Variants in XIRP2 observed in about 807,000 individuals in gnomAD.
XIRP2 encodes the protein xin actin binding repeat containing 2.
A neutral mutation model predicts 277.0 loss-of-function variants in XIRP2; 236 were observed. The ratio of observed to expected loss-of-function variants is 0.85; its 90% confidence interval spans 0.77 to 0.95. XIRP2 has a LOEUF of 0.95. Among genes scored for constraint, XIRP2 ranks in the 40% least tolerant of loss-of-function variants. XIRP2 has a pLI of 0.00. For synonymous variants in XIRP2, 1,490 were observed against 1,416.5 expected (o/e 1.05, Z -1.17); for missense variants, 4,640 against 4,157.5 (o/e 1.12, Z -3.19).
At chr2:167,028,731 T>C (rs1688244304) in intron 2 of XIRP2, among the ~76,000 whole-genome samples, 1 of 151,218 alleles carries the variant, frequency 6.6e-6, no homozygotes, top group Non-Finnish European at 1.5e-5. Context: ...AAGGCACCAG[T>C]GACGAAATCA....
chr2:166,915,854 T>C (rs1204185102), intron 2 of XIRP2, among the ~76,000 whole-genome samples: 1 of 152,178 alleles, frequency 6.6e-6, no homozygotes, highest in Non-Finnish European at 1.5e-5. Flanking sequence ...TTTCTATCAT[T>C]TATTTAGGCC....
rs1692439665 is a variant in XIRP2, at chr2:167,163,824, TA to T, written c.562+27763del. 2.6e-5 allele frequency among the ~76,000 whole-genome samples: 4 copies of T among 152,362 alleles called. No homozygotes were observed. The South Asian group carries it at 8.3e-4, about 32-fold the overall frequency. ...CTATGATCTATGTTGAATTCATTTGTATTTATAGTGTAATGTAAAAGTCAAG... is the reference window on the plus strand; with the variant it reads ...CTATGATCTATGTTGAATTCATTTGTTTTATAGTGTAATGTAAAAGTCAAG... On this transcript the variant is annotated intron_variant, in intron 3 of 10. Transcript: ENST00000409195.
chr2:166,979,900 A>AT (rs34066434), intron 2 of XIRP2, among the ~76,000 whole-genome samples: 65,523 of 151,890 alleles, frequency 0.43, 15,771 homozygotes, highest in African/African-American at 0.62. Flanking sequence ...TGAATTAGGA[A>AT]TTTTTTCTTT....
Position 167,248,840 on chromosome 2 carries a change from G to A in XIRP2, c.7448G>A (p.Ser2483Asn). Residue 2483 changes from serine (S) to asparagine (N), a missense_variant, in exon 9 of 11, where the codon AGT (serine) becomes AAT (asparagine). Coordinates refer to ENST00000409195, the MANE Select transcript of XIRP2 (RefSeq NM_152381.6). ...EHTETKQNVISKSLDERKQLS... is the reference protein window; with the variant it reads ...EHTETKQNVINKSLDERKQLS... ...ACGGAGACAAAGCAGAACGTTATTA[G>A]TAAGAGTCTTGATGAAAGAAAACAA... The A allele has an allele frequency of 6.2e-7, 1 of 1,613,506 alleles. No homozygotes were observed. Among genetic ancestry groups the A allele is most frequent in the South Asian group, 1.1e-5 (1 of 91,052 alleles).
At chr2:167,187,348 T>A (rs1693186321) in intron 3 of XIRP2, 1 of 985,242 alleles carries the variant, frequency 1.0e-6, no homozygotes, top group Admixed American at 6.2e-5. Flanking sequence ...CTAAAATAAA[T>A]TCAGCCGTCC....
At chr2:166,933,951 G>A (rs1685419325) in intron 2 of XIRP2, among the ~76,000 whole-genome samples, 1 of 151,820 alleles carries the variant, frequency 6.6e-6, no homozygotes, top group African/African-American at 2.4e-5. Context: ...AAAAATGGAA[G>A]GACACACGTT....
chr2:167,132,983 A>G (rs1193127210), intron 2 of XIRP2, among the ~76,000 whole-genome samples: 1 of 152,228 alleles, frequency 6.6e-6, no homozygotes, highest in Non-Finnish European at 1.5e-5. Flanking sequence ...AAATAAAATT[A>G]TACCACCAGT....
intron 2 of XIRP2, among the ~76,000 whole-genome samples, chr2:167,097,311 T>C (rs1690351337): frequency 6.6e-6 from 1 of 152,236 alleles, no homozygotes; most frequent in Non-Finnish European, 1.5e-5. Context: ...GCCTTCTTTG[T>C]CTTTTTTGAT....
At chr2:167,161,715 C>T (rs1050288162) in intron 3 of XIRP2, among the ~76,000 whole-genome samples, 4 of 152,220 alleles carry the variant, frequency 2.6e-5, no homozygotes, top group Admixed American at 6.5e-5. Context: ...AGACCTCTGA[C>T]ATGTCTTGGA....
intron 2 of XIRP2, among the ~76,000 whole-genome samples, chr2:167,016,422 C>T (rs78801169): frequency 0.035 from 5,377 of 151,958 alleles, 118 homozygotes; most frequent in East Asian, 0.078. Context: ...CTTCAGTCTC[C>T]TGAACAAAGA....
chr2:167,059,073 T>C (rs1042016568), intron 2 of XIRP2, among the ~76,000 whole-genome samples: 4 of 151,522 alleles, frequency 2.6e-5, no homozygotes, highest in Non-Finnish European at 5.9e-5. Context: ...TTGGTAAGCA[T>C]TGGCTAGAGG....
rs563863262 is a variant in XIRP2, at chr2:166,962,847, G to A, written c.408+58957G>A. Among the ~76,000 whole-genome samples the A allele has an allele frequency of 2.9e-4, 44 of 151,798 alleles. No homozygotes were observed. In the South Asian group the frequency reaches 8.7e-3, roughly 30 times the overall value. On this transcript the variant is annotated intron_variant, in intron 2 of 10. Coordinates refer to ENST00000409195, the MANE Select transcript of XIRP2 (RefSeq NM_152381.6). ...CAATATCCTCTGCCCCCAAATTTCT[G>A]TACCAGAACAGATTTAAACCAGTTT... is the stretch of plus-strand genomic sequence containing the variant.
intron 2 of XIRP2, among the ~76,000 whole-genome samples, chr2:166,942,660 A>C (rs1685751954): frequency 6.6e-6 from 1 of 152,210 alleles, no homozygotes; most frequent in African/African-American, 2.4e-5. Flanking sequence ...ACTGATAAAC[A>C]ATTACCAAGA....
intron 3 of XIRP2, among the ~76,000 whole-genome samples, chr2:167,167,413 A>C (rs138367818): frequency 4.0e-4 from 61 of 152,152 alleles, no homozygotes; most frequent in African/African-American, 1.4e-3. Flanking sequence ...TTTGTCTTCC[A>C]CCATTCTTTT....
At chr2:167,093,274 T>TTATA (rs143899442) in intron 2 of XIRP2, among the ~76,000 whole-genome samples, 2,774 of 150,462 alleles carry the variant, frequency 0.018, 83 homozygotes, top group African/African-American at 0.057. Context: ...GTATGTTTGA[T>TTATA]TATATATATA....
intron 2 of XIRP2, among the ~76,000 whole-genome samples, chr2:167,038,215 G>A (rs140339030): frequency 3.2e-4 from 48 of 151,946 alleles, no homozygotes; most frequent in Middle Eastern, 3.5e-3. Flanking sequence ...GTTCAAAGTT[G>A]CTATTTTTAA....
chr2:167,235,548 T>C (rs1559033542), intron 5 of XIRP2, among the ~76,000 whole-genome samples: 1 of 151,942 alleles, frequency 6.6e-6, no homozygotes, highest in East Asian at 1.9e-4. Flanking sequence ...ATGCATGTGA[T>C]AGACAGAGTT....
chr2:167,241,729 A>G (rs1695073328), intron 7 of XIRP2, 48 bp from the exon 8 acceptor site: 1 of 1,554,606 alleles, frequency 6.4e-7, no homozygotes, highest in Non-Finnish European at 8.7e-7. Context: ...TCTTAAACAT[A>G]ATTTTTAGTA....
chr2:166,910,531 C>T (rs1028417595), intron 2 of XIRP2, among the ~76,000 whole-genome samples: 9 of 152,084 alleles, frequency 5.9e-5, no homozygotes, highest in African/African-American at 2.2e-4. Context: ...TGCTGATGGT[C>T]TATCAATTTT....
Sources: gnomAD v4.1 joint callset for allele counts (sites outside exome capture counted in the v4.1 genomes callset) on GRCh38, gnomAD v4.1.1 for gene constraint, MANE v1.5 for transcripts, NCBI Gene and HGNC (gene_info 2026-07-23, HGNC 2026-07-21) for gene names.